The following PLCB1 variants were observed in gnomAD, a reference collection of about 807,000 sequenced individuals.
PLCB1 encodes 1-phosphatidylinositol 4,5-bisphosphate phosphodiesterase beta-1.
Under a neutral mutation model 161.8 loss-of-function variants are expected in PLCB1, and 46 were observed. That is an observed-to-expected ratio of 0.28 (90% CI 0.22 to 0.36). PLCB1 has a LOEUF of 0.36. PLCB1 is among the 10% of genes least tolerant of loss of function. The probability of loss-of-function intolerance (pLI) is 1.00; values close to 1 mark genes in which losing one functional copy is unlikely to be tolerated. For missense variants in PLCB1, 1,016 were observed against 1,472.5 expected, an observed-to-expected ratio of 0.69 and a Z score of 5.07; for synonymous variants, 517 against 503.7, an observed-to-expected ratio of 1.03 and a Z score of -0.35.
intron 2 of PLCB1, among the ~76,000 whole-genome samples, chr20:8,195,774 G>A (rs1158993609): frequency 6.6e-6 from 1 of 152,016 alleles, no homozygotes; most frequent in East Asian, 1.9e-4. Flanking sequence ...AAAAGTATTG[G>A]TCAGTTACTT....
chr20:8,434,817 C>T (rs1226207514), intron 3 of PLCB1, among the ~76,000 whole-genome samples: 1 of 152,158 alleles, frequency 6.6e-6, no homozygotes, highest in Non-Finnish European at 1.5e-5. Flanking sequence ...GAGGAATAGG[C>T]TTCCCCACAT....
intron 2 of PLCB1, among the ~76,000 whole-genome samples, chr20:8,276,942 T>G (rs981986756): frequency 4.3e-5 from 3 of 69,366 alleles, no homozygotes; most frequent in Non-Finnish European, 9.5e-5. Flanking sequence ...CTTCTTCTTC[T>G]TCTTCTTCTT....
intron 31 of PLCB1, among the ~76,000 whole-genome samples, chr20:8,812,383 G>A (rs979008370): frequency 4.6e-5 from 7 of 152,106 alleles, no homozygotes; most frequent in Non-Finnish European, 8.8e-5. Context: ...GCATGTCCTG[G>A]TGATGGGAAA....
At chr20:8,521,800 C>G (rs1984358116) in intron 3 of PLCB1, among the ~76,000 whole-genome samples, 1 of 152,214 alleles carries the variant, frequency 6.6e-6, no homozygotes. Flanking sequence ...TCTAACTCAG[C>G]TATTTTATCA....
chr20:8,351,832 G>T (rs1169421184), intron 2 of PLCB1, among the ~76,000 whole-genome samples: 3 of 151,982 alleles, frequency 2.0e-5, no homozygotes, highest in Non-Finnish European at 2.9e-5. Flanking sequence ...TATAAAAATT[G>T]ATGATACTAA....
intron 31 of PLCB1, among the ~76,000 whole-genome samples, chr20:8,826,737 G>A (rs948232996): frequency 6.6e-5 from 10 of 152,168 alleles, no homozygotes; most frequent in African/African-American, 2.4e-4. Flanking sequence ...TGCCAATGAT[G>A]ATAGAAGTTT....
chr20:8,316,148 C>G lies in PLCB1; in HGVS notation c.178-55234C>G, dbSNP rs1437486218. Among the ~76,000 whole-genome samples the G allele has an allele frequency of 8.5e-5, 13 of 152,328 alleles. No individual in the cohort carries two copies. The East Asian group carries it at 2.5e-3, about 29-fold the overall frequency. ...CAAAGACCCACTTATGTTTCTGACA[C>G]TGCTAACTCTACAAAGCGCTCAAGC... On this transcript the variant is annotated intron_variant, in intron 2 of 31. Transcript: ENST00000338037.
At chr20:8,216,214 T>C (rs1360684451) in intron 2 of PLCB1, among the ~76,000 whole-genome samples, 1 of 151,986 alleles carries the variant, frequency 6.6e-6, no homozygotes, top group South Asian at 2.1e-4. Flanking sequence ...ACTTAGGGAG[T>C]CTTTATAATT....
chr20:8,569,283 A>G (rs1395970585), intron 3 of PLCB1, among the ~76,000 whole-genome samples: 1 of 152,234 alleles, frequency 6.6e-6, no homozygotes, highest in Non-Finnish European at 1.5e-5. Flanking sequence ...ATCCAACTAC[A>G]AAGTAAACAA....
At chr20:8,632,637 A>C (rs1988635449) in intron 4 of PLCB1, among the ~76,000 whole-genome samples, 1 of 152,154 alleles carries the variant, frequency 6.6e-6, no homozygotes, top group African/African-American at 2.4e-5. Flanking sequence ...CACTTAAGCA[A>C]AGACTGGAAG....
intron 2 of PLCB1, among the ~76,000 whole-genome samples, chr20:8,266,239 T>C (rs745978366): frequency 1.6e-4 from 24 of 152,174 alleles, no homozygotes; most frequent in Non-Finnish European, 2.9e-4. Flanking sequence ...GCATATCCCA[T>C]CAGGGCTCAT....
intron 7 of PLCB1, chr20:8,652,206 G>C (rs1989339810): frequency 6.6e-6 from 1 of 151,920 alleles, no homozygotes; most frequent in African/African-American, 2.4e-5. Context: ...AGGAAAATGA[G>C]ATTCAAATAA....
intron 3 of PLCB1, among the ~76,000 whole-genome samples, chr20:8,459,837 C>A (rs1981494678): frequency 6.6e-6 from 1 of 152,140 alleles, no homozygotes; most frequent in South Asian, 2.1e-4. Flanking sequence ...GAGTGATAAA[C>A]CAGAGTATAT....
At chr20:8,557,218 T>C (rs1985994807) in intron 3 of PLCB1, among the ~76,000 whole-genome samples, 1 of 151,854 alleles carries the variant, frequency 6.6e-6, no homozygotes, top group Non-Finnish European at 1.5e-5. Context: ...ACAATTAAAA[T>C]CAGGGACTGA....
At chr20:8,169,112 C>T (rs541592219) in intron 2 of PLCB1, among the ~76,000 whole-genome samples, 1 of 152,116 alleles carries the variant, frequency 6.6e-6, no homozygotes, top group East Asian at 1.9e-4. Context: ...GTCAACAGGG[C>T]ATGCGGTGAA....
chr20:8,716,743 C>T (rs1447810929), intron 13 of PLCB1, among the ~76,000 whole-genome samples: 1 of 152,122 alleles, frequency 6.6e-6, no homozygotes, highest in Non-Finnish European at 1.5e-5. Flanking sequence ...TTGGCCTGTC[C>T]CTGCTGGCTG....
At chr20:8,677,886 C>G (rs1363052216) in intron 9 of PLCB1, among the ~76,000 whole-genome samples, 2 of 152,050 alleles carry the variant, frequency 1.3e-5, no homozygotes, top group Non-Finnish European at 2.9e-5. Context: ...CCAATGTGCT[C>G]TAACTAAAAT....
chr20:8,699,412 CTT>C (rs1186980695), intron 11 of PLCB1, among the ~76,000 whole-genome samples: 2 of 152,164 alleles, frequency 1.3e-5, no homozygotes, highest in African/African-American at 2.4e-5. Context: ...CTTGCCAACT[CTT>C]TTCTGAATAA....
At chr20:8,345,531 G>A (rs919772219) in intron 2 of PLCB1, among the ~76,000 whole-genome samples, 2 of 152,112 alleles carry the variant, frequency 1.3e-5, no homozygotes, top group Non-Finnish European at 2.9e-5. Context: ...CCTCTTTCTG[G>A]TCCAGGCACT....
Sources: allele counts gnomAD v4.1 joint callset (sites outside exome capture counted in the v4.1 genomes callset), GRCh38; gene constraint gnomAD v4.1.1; transcripts MANE v1.5; gene names NCBI Gene and HGNC (gene_info 2026-07-23, HGNC 2026-07-21).